XCL2: variants seen among roughly 807,000 people sequenced by gnomAD.
The protein encoded by XCL2 is X-C motif chemokine ligand 2, also known as cytokine SCM-1 beta.
In XCL2, 8 loss-of-function variants were observed where a neutral mutation model predicts 7.2. The observed-to-expected ratio is 1.10, with a 90% CI of 0.65 to 1.99. XCL2 has a LOEUF of 1.99. XCL2 is among the 30% of genes most tolerant of loss of function. The pLI is 0.00. For synonymous variants in XCL2, 46 were observed against 54.2 expected, an observed-to-expected ratio of 0.85 and a Z score of 0.67; for missense variants, 131 against 138.6, an observed-to-expected ratio of 0.94 and a Z score of 0.28.
intron 1 of XCL2, 113 bp from the exon 2 acceptor site, chr1:168,542,220 G>C (rs1189236362): frequency 1.1e-6 from 1 of 873,352 alleles, no homozygotes; most frequent in Non-Finnish European, 1.6e-6. Context: ...AAGGCCATTT[G>C]CTTTTTGGGG....
chr1:168,543,005 C>G, intron 1 of XCL2: 1 of 341,742 alleles, frequency 2.9e-6, no homozygotes, highest in Non-Finnish European at 5.5e-6. Flanking sequence ...CTTAGACCCC[C>G]AAACAGCTAC....
intron 2 of XCL2, among the ~76,000 whole-genome samples, chr1:168,541,745 A>G (rs1488512621): frequency 6.6e-6 from 1 of 151,988 alleles, no homozygotes; most frequent in Admixed American, 6.6e-5. Context: ...TATTCAACAG[A>G]CTCTTCCACT....
chr1:168,540,906 G>T lies in XCL2; in HGVS notation c.*46C>A, dbSNP rs1479054618. 1 of 1,603,912 alleles carries T rather than the reference G, an allele frequency of 6.2e-7. No individual in the cohort carries two copies. The highest frequency in any genetic ancestry group is 8.5e-7 in the Non-Finnish European group (1 of 1,172,952). On this transcript the variant is annotated 3_prime_UTR_variant, in exon 3 of 3. Transcript: ENST00000367819. The stretch of plus-strand genomic sequence containing the variant: ...TAATCTCAGTCCATGAGGGTGTAAA[G>T]TGAAATGAGCTGGCTGGCTGGAGAC...
At chr1:168,541,231 A>C (rs1347794868) in intron 2 of XCL2, 111 bp from the exon 3 acceptor site, 1 of 1,378,202 alleles carries the variant, frequency 7.3e-7, no homozygotes, top group Non-Finnish European at 9.8e-7. Context: ...TTACTGCAAG[A>C]AATAGTCTTT....
intron 2 of XCL2, among the ~76,000 whole-genome samples, chr1:168,541,537 C>T (rs1355352438): frequency 2.6e-5 from 4 of 152,112 alleles, no homozygotes; most frequent in African/African-American, 7.2e-5. Context: ...AGAGTTATTA[C>T]TTCTAAAAAT....
chr1:168,543,317 T>C lies in XCL2; in HGVS notation c.61+587A>G, dbSNP rs73027540. On this transcript the variant is annotated intron_variant, in intron 1 of 2. Transcript: ENST00000367819. Reference sequence around the variant, plus strand: ...GGGGAAGGAAGGCAAGACTGGGACATCCAGTCCACAGCAAGCACTACTGTC... The same window carrying C: ...GGGGAAGGAAGGCAAGACTGGGACACCCAGTCCACAGCAAGCACTACTGTC... 7.3e-3 allele frequency: 1,617 copies of C among 220,610 alleles called. 30 individuals carry two copies. Among genetic ancestry groups the C allele is most frequent in the African/African-American group, 0.036 (1,545 of 42,616 alleles). The allele number at this position is 220,610 out of a possible 1,614,324, so 13.7% of individuals were successfully genotyped here.
At position 168,540,952 on chromosome 1, in the gene XCL2, C is replaced by T. The variant is rs1481541277; in HGVS notation, c.345G>A (p.Ter115=). 3.7e-6 allele frequency: 6 copies of T among 1,613,418 alleles called. No individual in the cohort carries two copies. The highest frequency in any genetic ancestry group is 5.1e-6 in the Non-Finnish European group (6 of 1,179,566). ...STNTAVTLTG[*] is the part of the protein sequence containing the mutation. ...GAGACGGACAGGGTGCCAGAGACTACTAGCCAGTCAGGGTCACAGCTGTAT... is the reference window on the plus strand; with the variant it reads ...GAGACGGACAGGGTGCCAGAGACTATTAGCCAGTCAGGGTCACAGCTGTAT... The change falls in exon 3 of 3, where the codon TAG becomes TAA. Residue 115 remains the stop codon, a stop_retained_variant. Coordinates refer to ENST00000367819, the MANE Select transcript of XCL2 (RefSeq NM_003175.4).
Position 168,543,968 on chromosome 1 carries a change from T to A in XCL2, c.-4A>T. On this transcript the variant is annotated 5_prime_UTR_variant, in exon 1 of 3. Coordinates refer to ENST00000367819, the MANE Select transcript of XCL2 (RefSeq NM_003175.4). ...GGGCCAGGATGAGAAGTCTCATGGC[T>A]GAGGTCCCGCTGAGCTGTGCAGGGA... The A allele has an allele frequency of 6.2e-7, 1 of 1,606,232 alleles. No individual in the cohort carries two copies. Among genetic ancestry groups the A allele is most frequent in the South Asian group, 1.1e-5 (1 of 90,374 alleles).
At chr1:168,543,816 T>A in intron 1 of XCL2, 88 bp downstream of exon 1, 1 of 1,590,154 alleles carries the variant, frequency 6.3e-7, no homozygotes, top group African/African-American at 1.3e-5. Context: ...AGCAGTTTAG[T>A]CCAGTCAAAA....
chr1:168,541,563 G>A (rs1344643841), intron 2 of XCL2, among the ~76,000 whole-genome samples: 1 of 152,120 alleles, frequency 6.6e-6, no homozygotes, highest in Admixed American at 6.5e-5. Flanking sequence ...TCTGGTAGAA[G>A]AAAGGGACCA....
At chr1:168,541,959 C>A (rs1358092394) in intron 2 of XCL2, 34 bp downstream of exon 2, 1 of 1,604,882 alleles carries the variant, frequency 6.2e-7, no homozygotes, top group Non-Finnish European at 8.5e-7. Flanking sequence ...CTCTAGGTAC[C>A]CACCCAGCCC....
At position 168,541,245 on chromosome 1, in the gene XCL2, A is replaced by G; in HGVS notation, c.177-125T>C. On this transcript the variant is annotated intron_variant, in intron 2 of 2. Coordinates refer to ENST00000367819, the MANE Select transcript of XCL2 (RefSeq NM_003175.4). ...ATTACTGCAAGAAATAGTCTTTCAGAGCCATGAGATCATAAATGAGCACCC... is the reference window on the plus strand; with the variant it reads ...ATTACTGCAAGAAATAGTCTTTCAGGGCCATGAGATCATAAATGAGCACCC... The G allele has an allele frequency of 3.1e-6, 4 of 1,293,712 alleles. No individual in the cohort carries two copies. The South Asian group carries it at 6.3e-5, about 21-fold the overall frequency. The allele number at this position is 1,293,712 out of a possible 1,614,324, so 80.1% of individuals were successfully genotyped here. A position where few individuals can be genotyped will look rare whatever the true frequency, so the allele number is the denominator to read the frequency against.
In XCL2 at chr1:168,542,016, C is replaced by T. The variant is rs374310854; in HGVS notation, c.153G>A (p.Thr51=). The T allele has an allele frequency of 1.6e-5, 25 of 1,609,182 alleles. No individual in the cohort carries two copies. The highest frequency in any genetic ancestry group is 9.9e-5 in the South Asian group (9 of 90,496). Residue 51 remains threonine (T), a synonymous_variant, in exon 2 of 3, where the codon ACG becomes ACA. Transcript: ENST00000367819. ...PVSRIKTYTI[T]EGSLRAVIFI... ...ACATTACTGCTCTCAAGGAGCCTTC[C>T]GTGATGGTGTAGGTCTTGATTCTGC... is the stretch of plus-strand genomic sequence containing the variant.
rs532079845 is a variant in XCL2, at chr1:168,540,982, C to T, written c.315G>A (p.Ser105=). ...IQTKPTGTQQ[S]TNTAVTLTG ...CAGTCAGGGTCACAGCTGTATTGGTCGATTGCTGGGTTCCTGTTGGCTTGG... is the reference window on the plus strand; with the variant it reads ...CAGTCAGGGTCACAGCTGTATTGGTTGATTGCTGGGTTCCTGTTGGCTTGG... The change falls in exon 3 of 3, where the codon TCG becomes TCA. Residue 105 remains serine, a synonymous_variant. Coordinates refer to ENST00000367819, the MANE Select transcript of XCL2 (RefSeq NM_003175.4). 6.2e-6 allele frequency: 10 copies of T among 1,613,580 alleles called. No homozygotes were observed. Among genetic ancestry groups the T allele is most frequent in the African/African-American group, 5.3e-5 (4 of 74,996 alleles).
Position 168,540,959 on chromosome 1 carries a change from G to C in XCL2, c.338C>G (p.Thr113Ser), listed in dbSNP as rs1342634421. Residue 113 changes from threonine (T) to serine (S), a missense_variant, in exon 3 of 3, where the codon ACT becomes AGT. Transcript: ENST00000367819. ...QQSTNTAVTL[T>S]G ...ACAGGGTGCCAGAGACTACTAGCCAGTCAGGGTCACAGCTGTATTGGTCGA... is the reference window on the plus strand; with the variant it reads ...ACAGGGTGCCAGAGACTACTAGCCACTCAGGGTCACAGCTGTATTGGTCGA... 6.2e-7 allele frequency: 1 copy of C among 1,613,622 alleles called. No individual in the cohort carries two copies. The highest frequency in any genetic ancestry group is 8.5e-7 in the Non-Finnish European group (1 of 1,179,648).
At chr1:168,542,147 G>A in intron 1 of XCL2, 40 bp from the exon 2 acceptor site, 2 of 1,453,610 alleles carry the variant, frequency 1.4e-6, no homozygotes, top group African/African-American at 2.8e-5. Flanking sequence ...TAAAAATAAA[G>A]CAATTACCCA....
At chr1:168,543,867 C>A (rs375428624) in intron 1 of XCL2, 37 bp downstream of exon 1, 1 of 1,589,590 alleles carries the variant, frequency 6.3e-7, no homozygotes, top group African/African-American at 1.4e-5. Context: ...TGCCTTGCCT[C>A]CCTATTCTTT....
At chr1:168,541,554 C>G (rs1258065933) in intron 2 of XCL2, among the ~76,000 whole-genome samples, 1 of 152,036 alleles carries the variant, frequency 6.6e-6, no homozygotes, top group African/African-American at 2.4e-5. Flanking sequence ...AAATGAGATT[C>G]TGGTAGAAGA....
chr1:168,541,309 T>C lies in XCL2; in HGVS notation c.177-189A>G, dbSNP rs1006719656. Among the ~76,000 whole-genome samples, 3 of 152,284 alleles carry C rather than the reference T, an allele frequency of 2.0e-5. No homozygotes were observed. The East Asian group carries it at 5.8e-4, about 29-fold the overall frequency. On this transcript the variant is annotated intron_variant, in intron 2 of 2. Transcript: ENST00000367819. ...TATTTTAACATAAAGGAGAAATATC[T>C]GCAAGTAGTATCCAGCCCCTTTGTT...
Sources: gnomAD v4.1 joint callset for allele counts (sites outside exome capture counted in the v4.1 genomes callset) on GRCh38, gnomAD v4.1.1 for gene constraint, MANE v1.5 for transcripts, NCBI Gene and HGNC (gene_info 2026-07-23, HGNC 2026-07-21) for gene names.